FOXK2: variants seen among roughly 807,000 people sequenced by gnomAD.
FOXK2 encodes forkhead box K2, also known as forkhead box protein K2.
In FOXK2, 24 loss-of-function variants were observed where a neutral mutation model predicts 53.3. That is an observed-to-expected ratio of 0.45 (90% confidence interval 0.33 to 0.63). The LOEUF (loss-of-function observed/expected upper bound fraction) is 0.63. FOXK2 is among the 30% of genes least tolerant of loss of function. FOXK2 has a pLI of 0.03. For missense variants in FOXK2, 952 were observed against 910.5 expected (o/e 1.05, Z -0.59); for synonymous variants, 505 against 407.1 (o/e 1.24, Z -2.89).
At position 82,603,961 on chromosome 17, in the gene FOXK2, T is replaced by C. The variant is rs184088718; in HGVS notation, c.*2462T>C. ...GTCTTTAAGGCACTGTTTCTAAATT[T>C]TGAACTTAGCTCTGAATCCCCAAGA... On this transcript the variant is annotated 3_prime_UTR_variant, in exon 9 of 9. Transcript: ENST00000335255. 8.5e-5 allele frequency: 13 copies of C among 152,332 alleles called. No homozygotes were observed. In the East Asian group the frequency reaches 1.9e-3, roughly 23 times the overall value. The allele number at this position is 152,332 out of a possible 1,614,324, so 9.4% of individuals were successfully genotyped here. A position where few individuals can be genotyped will look rare whatever the true frequency, so the allele number is the denominator to read the frequency against.
chr17:82,602,081 T>G lies in FOXK2; in HGVS notation c.*582T>G, dbSNP rs1195005754. 1 of 152,524 alleles carries G rather than the reference T, an allele frequency of 6.6e-6. No homozygotes were observed. Among genetic ancestry groups the G allele is most frequent in the Non-Finnish European group, 1.5e-5 (1 of 68,110 alleles). The allele number at this position is 152,524 out of a possible 1,614,324, so 9.4% of individuals were successfully genotyped here. On this transcript the variant is annotated 3_prime_UTR_variant, in exon 9 of 9. Transcript: ENST00000335255. ...TTTGTTTTCAGCCTATGGAATGATT[T>G]CCTTTTGTCTGTCTTGTTCAAGTTC...
At chr17:82,547,360 T>C (rs1007515036) in intron 1 of FOXK2, among the ~76,000 whole-genome samples, 1 of 152,156 alleles carries the variant, frequency 6.6e-6, no homozygotes, top group African/African-American at 2.4e-5. Flanking sequence ...CAAGAGCTGG[T>C]AAGCTGAAAA....
chr17:82,583,147 C>T (rs1038161492), intron 5 of FOXK2, among the ~76,000 whole-genome samples: 1 of 152,222 alleles, frequency 6.6e-6, no homozygotes, highest in Non-Finnish European at 1.5e-5. Context: ...GTTTAAACTG[C>T]ACTCGACGCA....
rs563856361 is a variant in FOXK2 at position 82,602,121 on chromosome 17, T to C, written c.*622T>C. 6.6e-6 allele frequency: 1 copy of C among 152,452 alleles called. No individual in the cohort carries two copies. Among genetic ancestry groups the C allele is most frequent in the African/African-American group, 2.4e-5 (1 of 41,584 alleles). 9.4% of individuals were successfully genotyped at this position (152,452 alleles called of 1,614,324 possible). On this transcript the variant is annotated 3_prime_UTR_variant, in exon 9 of 9. Coordinates refer to ENST00000335255, the MANE Select transcript of FOXK2 (RefSeq NM_004514.4). ...TGTTCAAGTTCAGACGAAGCTACTCTGGCATCTGCACATTTCCGTGTTACA... is the reference window on the plus strand; with the variant it reads ...TGTTCAAGTTCAGACGAAGCTACTCCGGCATCTGCACATTTCCGTGTTACA...
chr17:82,549,552 G>A (rs1405862601), intron 1 of FOXK2, among the ~76,000 whole-genome samples: 1 of 150,812 alleles, frequency 6.6e-6, no homozygotes. Flanking sequence ...CAGTTGCAGT[G>A]CAGCAAATGG....
chr17:82,586,993 G>C, intron 7 of FOXK2, 70 bp from the exon 8 acceptor site: 2 of 1,464,672 alleles, frequency 1.4e-6, no homozygotes, highest in Non-Finnish European at 1.9e-6. Context: ...TGGTTATTAT[G>C]TTTTAAACTG....
At chr17:82,546,163 C>G (rs1339140363) in intron 1 of FOXK2, among the ~76,000 whole-genome samples, 2 of 127,998 alleles carry the variant, frequency 1.6e-5, no homozygotes, top group South Asian at 5.0e-4. Flanking sequence ...GTCGCCCAGG[C>G]TGGAGTGCAG....
chr17:82,573,931 G>C (rs1177478909), intron 4 of FOXK2, among the ~76,000 whole-genome samples: 1 of 152,250 alleles, frequency 6.6e-6, no homozygotes, highest in African/African-American at 2.4e-5. Flanking sequence ...AGTTTTGGGG[G>C]GGCCCAAGTC....
chr17:82,572,489 ATTT>A (rs10569874), intron 4 of FOXK2, among the ~76,000 whole-genome samples: 210 of 143,360 alleles, frequency 1.5e-3, no homozygotes, highest in African/African-American at 3.0e-3. Flanking sequence ...CACACCAATA[ATTT>A]TTTTTTTTTT....
At position 82,585,995 on chromosome 17, in the gene FOXK2, A is replaced by G. The variant is rs147079088; in HGVS notation, c.1371A>G (p.Pro457=). ...IKPVTYTVAT[P]VTTSTSQPPV... is the part of the protein sequence containing the mutation. ...CTGTCACCTACACTGTGGCCACCCC[A>G]GTGACCACCTCGACCTCCCAGCCAC... The change falls in exon 7 of 9, where the codon CCA becomes CCG. Residue 457 remains proline (P), a synonymous_variant. Coordinates refer to ENST00000335255, the MANE Select transcript of FOXK2 (RefSeq NM_004514.4). 3.1e-6 allele frequency: 5 copies of G among 1,612,722 alleles called. No individual in the cohort carries two copies. The highest frequency in any genetic ancestry group is 4.2e-6 in the Non-Finnish European group (5 of 1,179,918).
chr17:82,593,263 C>T (rs1381156131), intron 8 of FOXK2: 1 of 148,916 alleles, frequency 6.7e-6, no homozygotes, highest in Non-Finnish European at 1.5e-5. Context: ...GGCAGAGGCT[C>T]TTATTCTGAA....
intron 3 of FOXK2, 48 bp downstream of exon 3, chr17:82,568,249 C>A: frequency 6.2e-7 from 1 of 1,601,078 alleles, no homozygotes; most frequent in Admixed American, 1.7e-5. Flanking sequence ...CAGTGTGTAG[C>A]CACAGGGCCC....
At position 82,573,562 on chromosome 17, in the gene FOXK2, T is replaced by TCTCTCACACA. The variant is rs1185597025; in HGVS notation, c.909+1693_909+1694insTCTCACACAC. Among the ~76,000 whole-genome samples, 411 of 83,338 alleles carry TCTCTCACACA rather than the reference T, an allele frequency of 4.9e-3. 1 individual carries two copies. The highest frequency in any genetic ancestry group is 0.01 in the African/African-American group (225 of 22,264). 54.7% of individuals were successfully genotyped at this position (83,338 alleles called of 152,430 possible). On this transcript the variant is annotated intron_variant, in intron 4 of 8. Transcript: ENST00000335255. ...CTCTCTCTCTCTCTCTCTCTCTCTCTCACACACACACACACACACACACAC... is the reference window on the plus strand; with the variant it reads ...CTCTCTCTCTCTCTCTCTCTCTCTCTCTCTCACACACACACACACACACACACACACACAC...
At position 82,587,215 on chromosome 17, in the gene FOXK2, C is replaced by G. The variant is rs983446322; in HGVS notation, c.1729C>G (p.Gln577Glu). The G allele has an allele frequency of 9.9e-6, 16 of 1,612,968 alleles. No homozygotes were observed. Among genetic ancestry groups the G allele is most frequent in the East Asian group, 6.7e-5 (3 of 44,892 alleles). ...CCAGCTACCAATAAAAACTGTAACACAAAACGGCACTCACGTGGCATCAGT... is the reference window on the plus strand; with the variant it reads ...CCAGCTACCAATAAAAACTGTAACAGAAAACGGCACTCACGTGGCATCAGT... ...QHQLPIKTVT[Q>E]NGTHVASVPT... The change falls in exon 8 of 9, where the codon CAA becomes GAA. Residue 577 changes from glutamine to glutamate, a missense_variant. Around this residue, in one of 5 missense-constraint regions of FOXK2, gnomAD observed 551 missense variants for 385.1 expected, o/e 1.43. Coordinates refer to ENST00000335255, the MANE Select transcript of FOXK2 (RefSeq NM_004514.4).
rs141528762 is a variant in FOXK2, at chr17:82,587,249, C to G, written c.1763C>G (p.Ala588Gly). 203 of 1,612,834 alleles carry G rather than the reference C, an allele frequency of 1.3e-4. No individual in the cohort carries two copies. Among genetic ancestry groups the G allele is most frequent in the Non-Finnish European group, 8.6e-5 (102 of 1,179,824 alleles). ...ACTCACGTGGCATCAGTCCCCACTG[C>G]GGTCCACGGCCAGGTGAACAATGGT... is the stretch of plus-strand genomic sequence containing the variant. ...NGTHVASVPT[A>G]VHGQVNNAAA... Residue 588 changes from alanine (A) to glycine (G), a missense_variant, in exon 8 of 9, where the codon GCG becomes GGG. By Grantham distance (60) the Ala-to-Gly change is moderately conservative (BLOSUM62 0). Around this residue, in one of 5 missense-constraint regions of FOXK2, gnomAD observed 551 missense variants for 385.1 expected, o/e 1.43. Transcript: ENST00000335255.
Position 82,586,215 on chromosome 17 carries a change from A to C in FOXK2, c.1576+15A>C, listed in dbSNP as rs200208734. On this transcript the variant is annotated intron_variant, in intron 7 of 8. Coordinates refer to ENST00000335255, the MANE Select transcript of FOXK2 (RefSeq NM_004514.4). ...GGAAGTCAAAGGTAGGCGGAGGGGA[A>C]AGGAGGAGAGGGGAGACCACAGGGA... 159 of 1,285,016 alleles carry C rather than the reference A, an allele frequency of 1.2e-4. 2 individuals carry two copies. In the African/African-American group the frequency reaches 2.0e-3, roughly 16 times the overall value. The allele number at this position is 1,285,016 out of a possible 1,614,324, so 79.6% of individuals were successfully genotyped here.
chr17:82,542,230 C>T (rs572388563), intron 1 of FOXK2, among the ~76,000 whole-genome samples: 35 of 150,348 alleles, frequency 2.3e-4, no homozygotes, highest in Middle Eastern at 3.4e-3. Flanking sequence ...GGTGCGATCT[C>T]GGCTCACTGC....
At chr17:82,547,088 AAAAG>A (rs1241559552) in intron 1 of FOXK2, among the ~76,000 whole-genome samples, 2 of 151,822 alleles carry the variant, frequency 1.3e-5, no homozygotes, top group Admixed American at 6.6e-5. Context: ...AAAAAAAAAA[AAAAG>A]GAAGGAGAAA....
At chr17:82,601,039 CGCTAATCA>C (rs2045376765) in intron 8 of FOXK2, 2 of 435,604 alleles carry the variant, frequency 4.6e-6, no homozygotes, top group South Asian at 4.5e-5. Flanking sequence ...TAAAAATGTC[CGCTAATCA>C]GGCAGTTCAC....
Sources: allele counts gnomAD v4.1 joint callset (sites outside exome capture counted in the v4.1 genomes callset), GRCh38; gene constraint gnomAD v4.1.1; regional missense constraint gnomAD v4.1.1; transcripts MANE v1.5; gene names NCBI Gene and HGNC (gene_info 2026-07-23, HGNC 2026-07-21).